TTC29: variants seen among roughly 807,000 people sequenced by gnomAD.
TTC29 encodes tetratricopeptide repeat domain 29, also known as tetratricopeptide repeat protein 29.
In TTC29, 49 loss-of-function variants were observed where a neutral mutation model predicts 58.1. That is an observed-to-expected ratio of 0.84 (90% CI 0.67 to 1.07). TTC29 has a LOEUF of 1.07. Ranked by LOEUF, TTC29 falls within the 50% of genes least tolerant of loss-of-function variation. The probability of loss-of-function intolerance (pLI) is 0.00; values close to 1 mark genes in which losing one functional copy is unlikely to be tolerated. For missense variants in TTC29, 582 were observed against 555.6 expected (o/e 1.05, Z -0.48); for synonymous variants, 209 against 196.8 (o/e 1.06, Z -0.52).
chr4:146,816,897 A>T (rs1267764841), intron 10 of TTC29, among the ~76,000 whole-genome samples: 1 of 152,202 alleles, frequency 6.6e-6, no homozygotes, highest in Non-Finnish European at 1.5e-5. Flanking sequence ...AGAATACTGT[A>T]GTGGTTAGGA....
At chr4:146,741,791 TGGG>T (rs1745171405) in intron 11 of TTC29, among the ~76,000 whole-genome samples, 1 of 152,192 alleles carries the variant, frequency 6.6e-6, no homozygotes, top group Non-Finnish European at 1.5e-5. Context: ...TTCCAGCTAC[TGGG>T]TGAATTCCTA....
chr4:146,903,561 A>G lies in TTC29; in HGVS notation c.569T>C (p.Leu190Pro). The G allele has an allele frequency of 6.2e-7, 1 of 1,610,404 alleles. No individual in the cohort carries two copies. Among genetic ancestry groups the G allele is most frequent in the Non-Finnish European group, 8.5e-7 (1 of 1,178,376 alleles). ...KEAEAHMHMG[L>P]LYEEDGQLLE... is the part of the protein sequence containing the mutation. Reference sequence around the variant, plus strand: ...CCACTCACCATCTTCCTCGTAGAGAAGACCCATATGCATGTGTGCCTCGGC... The same window carrying G: ...CCACTCACCATCTTCCTCGTAGAGAGGACCCATATGCATGTGTGCCTCGGC... The change falls in exon 6 of 13, where the codon CTT (leucine) becomes CCT (proline). Residue 190 changes from leucine to proline, a missense_variant. Coordinates refer to ENST00000325106, the MANE Select transcript of TTC29 (RefSeq NM_031956.4).
At chr4:146,806,931 A>G (rs1173497865) in intron 10 of TTC29, among the ~76,000 whole-genome samples, 1 of 152,238 alleles carries the variant, frequency 6.6e-6, no homozygotes, top group Admixed American at 6.5e-5. Flanking sequence ...TCAACAGAAT[A>G]TACATTCTTC....
chr4:146,725,023 AG>A (rs1386019804), intron 11 of TTC29, among the ~76,000 whole-genome samples: 1 of 152,116 alleles, frequency 6.6e-6, no homozygotes, highest in Non-Finnish European at 1.5e-5. Context: ...GGGAGAAGAG[AG>A]AATGAATACT....
At chr4:146,937,541 C>T in intron 4 of TTC29, 53 bp downstream of exon 4, 1 of 1,158,660 alleles carries the variant, frequency 8.6e-7, no homozygotes, top group South Asian at 1.5e-5. Flanking sequence ...AATAAAGAAT[C>T]AAGACAAAAG....
rs1487588939 is a variant in TTC29 at position 146,808,791 on chromosome 4, G to A, written c.1102-5106C>T. ...CTCATGGATAGGAAGAATCAGTATC[G>A]TGAAAATAGCCATACTGCCCAAAGT... On this transcript the variant is annotated intron_variant, in intron 10 of 12. Coordinates refer to ENST00000325106, the MANE Select transcript of TTC29 (RefSeq NM_031956.4). Among the ~76,000 whole-genome samples, 5 of 152,280 alleles carry A rather than the reference G, an allele frequency of 3.3e-5. No individual in the cohort carries two copies. In the East Asian group the frequency reaches 5.8e-4, roughly 18 times the overall value.
Position 146,852,571 on chromosome 4 carries a change from T to A in TTC29, c.885+14927A>T, listed in dbSNP as rs1729580691. On this transcript the variant is annotated intron_variant, in intron 8 of 12. Coordinates refer to ENST00000325106, the MANE Select transcript of TTC29 (RefSeq NM_031956.4). ...CCTGGCTGCATGCATTTGGCTGCCCTCCCAGGCCTTTACTCTTGCTGCTCC... is the reference window on the plus strand; with the variant it reads ...CCTGGCTGCATGCATTTGGCTGCCCACCCAGGCCTTTACTCTTGCTGCTCC... Among the ~76,000 whole-genome samples, 3 of 152,198 alleles carry A rather than the reference T, an allele frequency of 2.0e-5. No homozygotes were observed. The South Asian group carries it at 6.2e-4, about 31-fold the overall frequency.
At chr4:146,810,411 A>T (rs905784783) in intron 10 of TTC29, among the ~76,000 whole-genome samples, 23 of 152,152 alleles carry the variant, frequency 1.5e-4, no homozygotes, top group Non-Finnish European at 1.6e-4. Flanking sequence ...ATATAAAAAA[A>T]GTCTTATGTT....
At chr4:146,725,346 C>G (rs1426997627) in intron 11 of TTC29, among the ~76,000 whole-genome samples, 1 of 151,948 alleles carries the variant, frequency 6.6e-6, no homozygotes, top group Non-Finnish European at 1.5e-5. Flanking sequence ...CCAGGCTGGG[C>G]AACATAGTGA....
chr4:146,836,979 C>G (rs1451381908), intron 8 of TTC29, among the ~76,000 whole-genome samples: 1 of 152,082 alleles, frequency 6.6e-6, no homozygotes, highest in African/African-American at 2.4e-5. Flanking sequence ...TTCAACCCAG[C>G]AATCCCATTA....
At chr4:146,816,504 A>C (rs1168419553) in intron 10 of TTC29, among the ~76,000 whole-genome samples, 1 of 152,078 alleles carries the variant, frequency 6.6e-6, no homozygotes, top group Non-Finnish European at 1.5e-5. Flanking sequence ...AGGACTCGAA[A>C]AAAGAGGGGA....
intron 7 of TTC29, among the ~76,000 whole-genome samples, chr4:146,873,960 T>G (rs1731094074): frequency 6.6e-6 from 1 of 152,196 alleles, no homozygotes; most frequent in Non-Finnish European, 1.5e-5. Context: ...AAAAGGCTAC[T>G]CTAGTAATAA....
rs558623976 is a variant in TTC29, at chr4:146,765,674, C to T, written c.1330+37783G>A. Reference sequence around the variant, plus strand: ...TTGTTTCTACTTAAGCAATAACACTCCCACTTGATTTGGGTTGTAATGTGG... The same window carrying T: ...TTGTTTCTACTTAAGCAATAACACTTCCACTTGATTTGGGTTGTAATGTGG... On this transcript the variant is annotated intron_variant, in intron 11 of 12. Transcript: ENST00000325106. 4.6e-5 allele frequency among the ~76,000 whole-genome samples: 7 copies of T among 152,272 alleles called. No homozygotes were observed. In the South Asian group the frequency reaches 1.4e-3, roughly 32 times the overall value.
At chr4:146,786,796 A>G (rs1216377023) in intron 11 of TTC29, among the ~76,000 whole-genome samples, 1 of 152,168 alleles carries the variant, frequency 6.6e-6, no homozygotes, top group Non-Finnish European at 1.5e-5. Flanking sequence ...AGGCCCAGAA[A>G]AAAAATCTAA....
At chr4:146,853,214 C>A (rs1267318237) in intron 8 of TTC29, among the ~76,000 whole-genome samples, 1 of 151,854 alleles carries the variant, frequency 6.6e-6, no homozygotes, top group Non-Finnish European at 1.5e-5. Flanking sequence ...ATACAGATAC[C>A]AATCTCCCCC....
At chr4:146,722,647 ACCTTTTACCAT>A (rs1743455833) in intron 11 of TTC29, among the ~76,000 whole-genome samples, 1 of 152,078 alleles carries the variant, frequency 6.6e-6, no homozygotes, top group Non-Finnish European at 1.5e-5. Flanking sequence ...ATGGACCCCT[ACCTTTTACCAT>A]ATTCAAAAAG....
intron 4 of TTC29, among the ~76,000 whole-genome samples, chr4:146,920,955 A>C (rs1560720314): frequency 6.6e-6 from 1 of 151,288 alleles, no homozygotes; most frequent in Non-Finnish European, 1.5e-5. Context: ...TCCTCATTTG[A>C]CTCAACATAT....
At chr4:146,871,488 C>A (rs1314085353) in intron 7 of TTC29, among the ~76,000 whole-genome samples, 1 of 151,744 alleles carries the variant, frequency 6.6e-6, no homozygotes, top group Non-Finnish European at 1.5e-5. Flanking sequence ...ATTGCAGATA[C>A]CATAGTCTTG....
At chr4:146,935,367 T>C (rs1220119868) in intron 4 of TTC29, among the ~76,000 whole-genome samples, 1 of 152,136 alleles carries the variant, frequency 6.6e-6, no homozygotes, top group Non-Finnish European at 1.5e-5. Context: ...AATATATCGA[T>C]CACCATCTTA....
Sources: gnomAD v4.1 joint callset for allele counts (sites outside exome capture counted in the v4.1 genomes callset) on GRCh38, gnomAD v4.1.1 for gene constraint, MANE v1.5 for transcripts, NCBI Gene and HGNC (gene_info 2026-07-23, HGNC 2026-07-21) for gene names.